MBD5: variants seen among roughly 807,000 people sequenced by gnomAD.
MBD5 encodes methyl-CpG-binding domain protein 5.
A neutral mutation model predicts 117.3 loss-of-function variants in MBD5; 13 were observed. The ratio of observed to expected loss-of-function variants is 0.11; its 90% confidence interval spans 0.07 to 0.18. MBD5 has a LOEUF of 0.18. Ranked by LOEUF, MBD5 falls within the 10% of genes least tolerant of loss-of-function variation. The pLI is 1.00. For missense variants in MBD5, 1,879 were observed against 2,093.8 expected, an observed-to-expected ratio of 0.90 and a Z score of 2.00; for synonymous variants, 727 against 766.4, an observed-to-expected ratio of 0.95 and a Z score of 0.85.
At chr2:148,244,421 A>G (rs1049859913) in intron 3 of MBD5, 6 of 152,190 alleles carry the variant, frequency 3.9e-5, no homozygotes. Context: ...TTGCATGTGT[A>G]TAAGAAGCAG....
chr2:148,294,550 T>C (rs1701604256), intron 3 of MBD5, among the ~76,000 whole-genome samples: 1 of 130,358 alleles, frequency 7.7e-6, no homozygotes, highest in African/African-American at 2.9e-5. Context: ...TCGCCCAGGC[T>C]GGAGTGCAGC....
intron 1 of MBD5, among the ~76,000 whole-genome samples, chr2:148,148,010 C>A (rs577724979): frequency 2.0e-5 from 3 of 152,296 alleles, no homozygotes; most frequent in Non-Finnish European, 2.9e-5. Flanking sequence ...ATTTTACTCT[C>A]CAATTTTTTT....
chr2:148,120,507 CTT>C (rs1696745625), intron 1 of MBD5, among the ~76,000 whole-genome samples: 1 of 152,098 alleles, frequency 6.6e-6, no homozygotes, highest in Non-Finnish European at 1.5e-5. Flanking sequence ...AAGTCTAACA[CTT>C]TTGGTTATTC....
At chr2:148,055,506 C>G (rs1005311413) in intron 1 of MBD5, 1 of 151,398 alleles carries the variant, frequency 6.6e-6, no homozygotes, top group Non-Finnish European at 1.5e-5. Flanking sequence ...TGCCATCGCT[C>G]CCTGCAACCT....
At position 148,483,706 on chromosome 2, in the gene MBD5, A is replaced by T; in HGVS notation, c.3115A>T (p.Asn1039Tyr). Residue 1039 changes from asparagine (N) to tyrosine (Y), a missense_variant, in exon 9 of 14, where the codon AAT becomes TAT. Around this residue, in one of 4 missense-constraint regions of MBD5, gnomAD observed 1,666 missense variants for 1,792.2 expected, o/e 0.93. Coordinates refer to ENST00000642680, the MANE Select transcript of MBD5 (RefSeq NM_001378120.1). ...MTAPPDHLPS[N>Y]QSDNSRAETL... ...AGCCCCACCAGACCATTTGCCAAGCAATCAGTCAGACAACAGCCGAGCTGA... is the reference window on the plus strand; with the variant it reads ...AGCCCCACCAGACCATTTGCCAAGCTATCAGTCAGACAACAGCCGAGCTGA... The T allele has an allele frequency of 1.3e-6, 2 of 1,550,586 alleles. No homozygotes were observed. Among genetic ancestry groups the T allele is most frequent in the Non-Finnish European group, 8.7e-7 (1 of 1,146,982 alleles).
At chr2:148,479,186 A>G (rs1251168426) in intron 8 of MBD5, among the ~76,000 whole-genome samples, 1 of 152,186 alleles carries the variant, frequency 6.6e-6, no homozygotes, top group Non-Finnish European at 1.5e-5. Context: ...GTAATTTGGG[A>G]TAGACCTCTC....
intron 1 of MBD5, among the ~76,000 whole-genome samples, chr2:148,064,584 A>G (rs1425200149): frequency 6.6e-6 from 1 of 152,148 alleles, no homozygotes; most frequent in Non-Finnish European, 1.5e-5. Flanking sequence ...CTTTGAGGCA[A>G]ACCGATTCTC....
chr2:148,373,948 C>A (rs1703922946), intron 4 of MBD5, among the ~76,000 whole-genome samples: 1 of 151,990 alleles, frequency 6.6e-6, no homozygotes, highest in African/African-American at 2.4e-5. Flanking sequence ...CCAAAATGCC[C>A]CAAAATCAGA....
At chr2:148,117,629 C>A (rs141499161) in intron 1 of MBD5, among the ~76,000 whole-genome samples, 1 of 152,142 alleles carries the variant, frequency 6.6e-6, no homozygotes, top group African/African-American at 2.4e-5. Context: ...AGAGCACATA[C>A]CTGGATGGAG....
intron 3 of MBD5, among the ~76,000 whole-genome samples, chr2:148,312,646 C>A (rs1479374918): frequency 6.6e-6 from 1 of 152,152 alleles, no homozygotes; most frequent in East Asian, 1.9e-4. Flanking sequence ...CTGAAGCCTA[C>A]TTCCGTCAAT....
At chr2:148,035,742 C>G (rs1362255922) in intron 1 of MBD5, among the ~76,000 whole-genome samples, 1 of 152,182 alleles carries the variant, frequency 6.6e-6, no homozygotes, top group Non-Finnish European at 1.5e-5. Flanking sequence ...ATTCAAATCC[C>G]TGCTCCACCA....
chr2:148,147,630 T>G (rs1697502173), intron 1 of MBD5, among the ~76,000 whole-genome samples: 1 of 152,166 alleles, frequency 6.6e-6, no homozygotes, highest in Non-Finnish European at 1.5e-5. Flanking sequence ...GGTTTTGTTG[T>G]TGTTGCTATG....
chr2:148,315,434 A>G (rs1482031716), intron 3 of MBD5, among the ~76,000 whole-genome samples: 2 of 152,212 alleles, frequency 1.3e-5, no homozygotes, highest in Non-Finnish European at 2.9e-5. Flanking sequence ...GTTTTAAATC[A>G]GGTATCACTT....
At chr2:148,422,903 C>A (rs1258856563) in intron 4 of MBD5, among the ~76,000 whole-genome samples, 1 of 151,988 alleles carries the variant, frequency 6.6e-6, no homozygotes, top group Non-Finnish European at 1.5e-5. Context: ...TGAAAAGAAA[C>A]AAAGCCTCCA....
chr2:148,242,211 T>C (rs978859215), intron 3 of MBD5, among the ~76,000 whole-genome samples: 1 of 152,138 alleles, frequency 6.6e-6, no homozygotes, highest in Non-Finnish European at 1.5e-5. Flanking sequence ...TAAATACTAC[T>C]TCCCTTTATT....
chr2:148,407,749 T>C (rs1422275177), intron 4 of MBD5, among the ~76,000 whole-genome samples: 2 of 152,212 alleles, frequency 1.3e-5, no homozygotes, highest in African/African-American at 4.8e-5. Context: ...TTTGAGGGTT[T>C]CAGGGCTATT....
chr2:148,227,735 C>T (rs1699870065), intron 2 of MBD5, among the ~76,000 whole-genome samples: 1 of 152,172 alleles, frequency 6.6e-6, no homozygotes, highest in Non-Finnish European at 1.5e-5. Flanking sequence ...ATTGATTCTT[C>T]CTACCCATGA....
intron 1 of MBD5, among the ~76,000 whole-genome samples, chr2:148,038,013 T>G (rs975243414): frequency 2.0e-5 from 3 of 151,982 alleles, no homozygotes; most frequent in African/African-American, 7.2e-5. Context: ...CATTAATTTT[T>G]CATTCTCTCA....
chr2:148,381,196 T>C (rs554807149), intron 4 of MBD5, among the ~76,000 whole-genome samples: 26 of 151,992 alleles, frequency 1.7e-4, no homozygotes, highest in Admixed American at 1.6e-3. Context: ...TTCGAACCAA[T>C]GGCAAAGAAG....
Sources: allele counts gnomAD v4.1 joint callset (sites outside exome capture counted in the v4.1 genomes callset), GRCh38; gene constraint gnomAD v4.1.1; regional missense constraint gnomAD v4.1.1; transcripts MANE v1.5; gene names NCBI Gene and HGNC (gene_info 2026-07-23, HGNC 2026-07-21).